TNRC6A: variants seen among roughly 807,000 people sequenced by gnomAD.
TNRC6A encodes the protein trinucleotide repeat-containing gene 6A protein.
In TNRC6A, 44 loss-of-function variants were observed where a neutral mutation model predicts 221.2. The observed-to-expected ratio is 0.20, with a 90% CI of 0.16 to 0.26. The LOEUF (loss-of-function observed/expected upper bound fraction) is 0.26, where lower values mean the gene tolerates loss of function less well. Ranked by LOEUF, TNRC6A falls within the 10% of genes least tolerant of loss-of-function variation. The pLI is 1.00. For missense variants in TNRC6A, 2,199 were observed against 2,404.4 expected, an observed-to-expected ratio of 0.91 and a Z score of 1.79; for synonymous variants, 847 against 838.5, an observed-to-expected ratio of 1.01 and a Z score of -0.18.
intron 1 of TNRC6A, among the ~76,000 whole-genome samples, chr16:24,633,111 GCAGCCA>G (rs1901433992): frequency 6.6e-6 from 1 of 151,686 alleles, no homozygotes; most frequent in Non-Finnish European, 1.5e-5. Context: ...TTGCTCTGTT[GCAGCCA>G]CAGTGGCTGC....
intron 3 of TNRC6A, among the ~76,000 whole-genome samples, chr16:24,751,656 T>C (rs1042346594): frequency 6.6e-6 from 1 of 152,226 alleles, no homozygotes; most frequent in African/African-American, 2.4e-5. Context: ...ACTGTTTCAA[T>C]TATCTGTTGT....
intron 2 of TNRC6A, among the ~76,000 whole-genome samples, chr16:24,665,238 T>G (rs1452683458): frequency 6.6e-6 from 1 of 151,710 alleles, no homozygotes. Context: ...ACTGGCTAAT[T>G]TTTTTTTAAT....
chr16:24,735,324 A>G (rs1326578599), intron 2 of TNRC6A, among the ~76,000 whole-genome samples: 3 of 152,192 alleles, frequency 2.0e-5, no homozygotes, highest in Non-Finnish European at 4.4e-5. Context: ...TAAAACCCCA[A>G]GGCATTAGGT....
chr16:24,669,320 C>A (rs1479812309), intron 2 of TNRC6A, among the ~76,000 whole-genome samples: 2 of 152,000 alleles, frequency 1.3e-5, no homozygotes, highest in Non-Finnish European at 2.9e-5. Context: ...GCAACATAGT[C>A]TCTACAAAAA....
rs1204843845 is a variant in TNRC6A at position 24,729,681 on chromosome 16, GTGT to G, written c.-160_-158del. On this transcript the variant is annotated 5_prime_UTR_variant, in exon 1 of 25. Transcript: ENST00000395799. ...CGGTCTGGGGCCTGCGGCGGCGGCGGTGTCGGCGGCGGCGGCGGCGGCGGCGGC... is the reference window on the plus strand; with the variant it reads ...CGGTCTGGGGCCTGCGGCGGCGGCGGCGGCGGCGGCGGCGGCGGCGGCGGC... 80 of 768,256 alleles carry G rather than the reference GTGT, an allele frequency of 1.0e-4. No homozygotes were observed. Among genetic ancestry groups the G allele is most frequent in the Non-Finnish European group, 1.2e-4 (71 of 574,402 alleles). 47.6% of individuals were successfully genotyped at this position (768,256 alleles called of 1,614,324 possible).
chr16:24,667,244 G>A (rs1240834279), intron 2 of TNRC6A, among the ~76,000 whole-genome samples: 1 of 152,176 alleles, frequency 6.6e-6, no homozygotes, highest in African/African-American at 2.4e-5. Flanking sequence ...GGCTGGAGTG[G>A]TGGCTCTGCT....
At chr16:24,795,796 G>C in intron 8 of TNRC6A, 111 bp from the exon 9 acceptor site, 1 of 992,130 alleles carries the variant, frequency 1.0e-6, no homozygotes, top group Non-Finnish European at 1.5e-6. Flanking sequence ...GCCCAAAGTT[G>C]CGATAACTAG....
chr16:24,790,759 G>A lies in TNRC6A; in HGVS notation c.2117G>A (p.Ser706Asn), dbSNP rs2058081391. The A allele has an allele frequency of 1.9e-6, 3 of 1,614,126 alleles. No individual in the cohort carries two copies. Among genetic ancestry groups the A allele is most frequent in the Non-Finnish European group, 1.7e-6 (2 of 1,180,024 alleles). The change falls in exon 6 of 25, where the codon AGC becomes AAC. Residue 706 changes from serine (S) to asparagine (N), a missense_variant. Around this residue, in one of 8 missense-constraint regions of TNRC6A, gnomAD observed 1,405 missense variants for 1,400.2 expected, o/e 1.00. Coordinates refer to ENST00000395799, the MANE Select transcript of TNRC6A (RefSeq NM_014494.4). ...RKIDQHTLLQ[S>N]IVNRTDLDPR... is the part of the protein sequence containing the mutation. ...ATTGATCAGCACACATTACTCCAAA[G>A]CATTGTAAACAGAACTGACTTAGAT...
chr16:24,674,836 A>C (rs947547759), intron 2 of TNRC6A, among the ~76,000 whole-genome samples: 2 of 152,068 alleles, frequency 1.3e-5, no homozygotes, highest in Non-Finnish European at 2.9e-5. Context: ...ATCTCTGTCA[A>C]GCCATCCAAA....
At chr16:24,758,860 C>T (rs1467128888) in intron 4 of TNRC6A, among the ~76,000 whole-genome samples, 1 of 151,854 alleles carries the variant, frequency 6.6e-6, no homozygotes, top group Non-Finnish European at 1.5e-5. Flanking sequence ...CAGGTTTGAA[C>T]AGCACCCATT....
At chr16:24,715,864 G>T (rs2056303998) in intron 2 of TNRC6A, among the ~76,000 whole-genome samples, 1 of 151,530 alleles carries the variant, frequency 6.6e-6, no homozygotes. Flanking sequence ...CAAGTGATCT[G>T]CCCACCTTGG....
At chr16:24,805,290 TAAA>T in intron 14 of TNRC6A, 139 bp downstream of exon 14, 1 of 1,249,694 alleles carries the variant, frequency 8.0e-7, no homozygotes, top group East Asian at 2.4e-5. Flanking sequence ...AATTAACTAT[TAAA>T]AAAGGTTGTA....
intron 2 of TNRC6A, among the ~76,000 whole-genome samples, chr16:24,650,805 G>C (rs953507982): frequency 3.9e-5 from 6 of 152,190 alleles, no homozygotes; most frequent in Non-Finnish European, 5.9e-5. Flanking sequence ...AATATTTTAT[G>C]TGATGCACTT....
rs1487778474 is a variant in TNRC6A, at chr16:24,706,721, C to T, written n.403-44005C>T. Among the ~76,000 whole-genome samples the T allele has an allele frequency of 3.4e-5, 5 of 145,744 alleles. No individual in the cohort carries two copies. In the South Asian group the frequency reaches 8.7e-4, roughly 25 times the overall value. Reference sequence around the variant, plus strand: ...AAAAAAAAAAAAAAAAAGTTTCGTACTTGTGCATGAAAAGAAAAGCAGATT... The same window carrying T: ...AAAAAAAAAAAAAAAAAGTTTCGTATTTGTGCATGAAAAGAAAAGCAGATT... On this transcript the variant is annotated intron_variant and non_coding_transcript_variant, in intron 2 of 2. Coordinates refer to the TNRC6A transcript ENST00000566108.
chr16:24,690,264 T>C (rs184736336), intron 2 of TNRC6A, among the ~76,000 whole-genome samples: 1 of 152,082 alleles, frequency 6.6e-6, no homozygotes, highest in Non-Finnish European at 1.5e-5. Context: ...CCCATCTCAG[T>C]GTCCCAAAGT....
Position 24,818,667 on chromosome 16 carries a change from G to A in TNRC6A, c.5047G>A (p.Val1683Ile), listed in dbSNP as rs373506672. The change falls in exon 21 of 25, where the codon GTT becomes ATT. Residue 1683 changes from valine to isoleucine, a missense_variant. Physicochemically the swap from Val to Ile is conservative, Grantham distance 29 (BLOSUM62 3). Coordinates refer to ENST00000395799, the MANE Select transcript of TNRC6A (RefSeq NM_014494.4). The part of the protein sequence containing the change: ...WSSIRASNYN[V>I]PLSSTAQSTS... ...ATCCATTCGTGCCTCCAACTACAAC[G>A]TTCCCCTCAGCAGTACAGCACAAAG... 164 of 1,613,942 alleles carry A rather than the reference G, an allele frequency of 1.0e-4. No homozygotes were observed. The highest frequency in any genetic ancestry group is 1.4e-4 in the Non-Finnish European group (161 of 1,180,010).
At chr16:24,691,325 CT>C (rs1254922266) in intron 2 of TNRC6A, among the ~76,000 whole-genome samples, 5 of 152,108 alleles carry the variant, frequency 3.3e-5, no homozygotes, top group African/African-American at 1.2e-4. Flanking sequence ...TCAAGTGATC[CT>C]CCCACTTTGG....
chr16:24,694,208 A>G (rs973420179), intron 2 of TNRC6A, among the ~76,000 whole-genome samples: 9 of 152,144 alleles, frequency 5.9e-5, no homozygotes, highest in African/African-American at 2.2e-4. Context: ...TAAGAGGGAA[A>G]GGACCTCATG....
intron 18 of TNRC6A, 24 bp downstream of exon 18, chr16:24,809,505 A>C: frequency 8.4e-7 from 1 of 1,196,988 alleles, no homozygotes; most frequent in South Asian, 1.7e-5. Flanking sequence ...ATCTTACCAA[A>C]AAAAAAAAAA....
Sources: allele counts gnomAD v4.1 joint callset (sites outside exome capture counted in the v4.1 genomes callset), GRCh38; gene constraint gnomAD v4.1.1; regional missense constraint gnomAD v4.1.1; transcripts MANE v1.5; gene names NCBI Gene and HGNC (gene_info 2026-07-23, HGNC 2026-07-21).